Variants in SUGCT observed in about 807,000 individuals in gnomAD.
SUGCT encodes the protein succinyl-CoA:glutarate-CoA transferase.
SUGCT carries 41 observed loss-of-function variants against 55.0 expected under a neutral mutation model. The observed-to-expected ratio is 0.74, with a 90% CI of 0.58 to 0.97. The LOEUF is 0.97. Among genes scored for constraint, SUGCT ranks in the 50% least tolerant of loss-of-function variants. SUGCT has a pLI of 0.00. For synonymous variants in SUGCT, 187 were observed against 200.4 expected (o/e 0.93, Z 0.56); for missense variants, 568 against 547.8 (o/e 1.04, Z -0.37).
At chr7:40,743,706 C>G (rs540475366) in intron 12 of SUGCT, among the ~76,000 whole-genome samples, 8 of 152,184 alleles carry the variant, frequency 5.3e-5, no homozygotes, top group Middle Eastern at 3.4e-3. Context: ...TGAATGTACC[C>G]CAAAGCCACA....
At chr7:40,317,203 C>G (rs554791068) in intron 9 of SUGCT, among the ~76,000 whole-genome samples, 44 of 151,784 alleles carry the variant, frequency 2.9e-4, no homozygotes, top group African/African-American at 1.0e-3. Context: ...TTAACCATGT[C>G]AGTTACAAAA....
rs778804466 is a variant in SUGCT at position 40,188,481 on chromosome 7, G to A, written c.227-14G>A. On this transcript the variant is annotated splice_polypyrimidine_tract_variant and intron_variant, in intron 3 of 13. Transcript: ENST00000335693. ...CAAACCCCAAAGATTAATAGCTCAT[G>A]TTATTATTTTCAGGAGCTGGTGATG... is the stretch of plus-strand genomic sequence containing the variant. 4.9e-6 allele frequency: 7 copies of A among 1,443,000 alleles called. No homozygotes were observed. Among genetic ancestry groups the A allele is most frequent in the Admixed American group, 1.9e-5 (1 of 51,606 alleles). The allele number at this position is 1,443,000 out of a possible 1,614,324, so 89.4% of individuals were successfully genotyped here. A position where few individuals can be genotyped will look rare whatever the true frequency, so the allele number is the denominator to read the frequency against.
At chr7:40,420,531 G>A (rs904410579) in intron 9 of SUGCT, among the ~76,000 whole-genome samples, 2 of 151,924 alleles carry the variant, frequency 1.3e-5, no homozygotes, top group African/African-American at 2.4e-5. Flanking sequence ...TAGAGACAAC[G>A]TTTCACCATG....
intron 8 of SUGCT, among the ~76,000 whole-genome samples, chr7:40,300,085 G>A (rs1479010876): frequency 6.6e-6 from 1 of 152,148 alleles, no homozygotes; most frequent in African/African-American, 2.4e-5. Flanking sequence ...TTGTTGTATA[G>A]CAAAACCCTA....
At chr7:40,637,875 T>C (rs563757187) in intron 12 of SUGCT, among the ~76,000 whole-genome samples, 1 of 152,350 alleles carries the variant, frequency 6.6e-6, no homozygotes, top group South Asian at 2.1e-4. Flanking sequence ...AATCAGCCAA[T>C]GTGGAAGGAA....
At chr7:40,532,942 T>C (rs966642366) in intron 12 of SUGCT, among the ~76,000 whole-genome samples, 3 of 152,198 alleles carry the variant, frequency 2.0e-5, no homozygotes, top group African/African-American at 4.8e-5. Flanking sequence ...TTAATTTTTA[T>C]TGAGTTGCTT....
chr7:40,528,402 GT>G (rs948038616), intron 12 of SUGCT, among the ~76,000 whole-genome samples: 17 of 152,096 alleles, frequency 1.1e-4, no homozygotes, highest in Admixed American at 5.9e-4. Flanking sequence ...CATTGAATAT[GT>G]GATATTTTGG....
At chr7:40,506,855 T>C (rs1225325656) in intron 12 of SUGCT, among the ~76,000 whole-genome samples, 3 of 152,200 alleles carry the variant, frequency 2.0e-5, no homozygotes, top group Non-Finnish European at 1.5e-5. Flanking sequence ...TATTGTACTT[T>C]TGGACTCCAG....
chr7:40,595,168 G>A (rs1165072255), intron 12 of SUGCT, among the ~76,000 whole-genome samples: 2 of 152,162 alleles, frequency 1.3e-5, no homozygotes, highest in Non-Finnish European at 1.5e-5. Flanking sequence ...ACAACTCTGT[G>A]AAAAACTATT....
At chr7:40,951,836 G>C in the SUGCT span, among the ~76,000 whole-genome samples, 1 of 152,220 alleles carries the variant, frequency 6.6e-6, no homozygotes, top group East Asian at 1.9e-4. Context: ...TATAATTTCT[G>C]TTCTTTTACA....
chr7:40,658,070 A>G (rs1801117028), intron 12 of SUGCT, among the ~76,000 whole-genome samples: 1 of 152,192 alleles, frequency 6.6e-6, no homozygotes, highest in South Asian at 2.1e-4. Flanking sequence ...GTGAAAGGGA[A>G]TTAAAACAAC....
intron 13 of SUGCT, among the ~76,000 whole-genome samples, chr7:40,750,700 T>TA (rs1787965883): frequency 6.6e-6 from 1 of 152,234 alleles, no homozygotes; most frequent in Admixed American, 6.5e-5. Flanking sequence ...GAGAAAATTC[T>TA]AATGTTCAAG....
intron 9 of SUGCT, among the ~76,000 whole-genome samples, chr7:40,344,832 G>C (rs1207969295): frequency 6.6e-6 from 1 of 152,026 alleles, no homozygotes; most frequent in African/African-American, 2.4e-5. Flanking sequence ...GCATTTGATT[G>C]ATTGTATAGT....
chr7:40,313,718 C>T lies in SUGCT; in HGVS notation c.721-3042C>T, dbSNP rs563399452. ...GATCACCGCTAACTGCAGCCTTGAC[C>T]TCCCCAGGCTCAGGTGATCCCCCCA... On this transcript the variant is annotated intron_variant, in intron 8 of 13. Transcript: ENST00000335693. Among the ~76,000 whole-genome samples, 48 of 151,432 alleles carry T rather than the reference C, an allele frequency of 3.2e-4. 1 individual carries two copies. The highest frequency in any genetic ancestry group is 1.1e-3 in the African/African-American group (47 of 41,300).
intron 8 of SUGCT, among the ~76,000 whole-genome samples, chr7:40,278,631 C>G (rs1792705024): frequency 6.6e-6 from 1 of 152,106 alleles, no homozygotes; most frequent in Non-Finnish European, 1.5e-5. Flanking sequence ...TATTCCTTGT[C>G]TCTGTCCTCC....
intron 13 of SUGCT, among the ~76,000 whole-genome samples, chr7:40,829,459 A>G (rs1406247884): frequency 6.6e-6 from 1 of 152,248 alleles, no homozygotes; most frequent in Admixed American, 6.5e-5. Flanking sequence ...TTTGCCTGCC[A>G]TCAATTGCAA....
At chr7:40,508,195 G>A (rs1792714820) in intron 12 of SUGCT, among the ~76,000 whole-genome samples, 1 of 152,150 alleles carries the variant, frequency 6.6e-6, no homozygotes, top group South Asian at 2.1e-4. Context: ...AGTGGTGGTG[G>A]TGAGTGCCCT....
At chr7:40,885,228 A>G in the SUGCT span, among the ~76,000 whole-genome samples, 1 of 152,102 alleles carries the variant, frequency 6.6e-6, no homozygotes, top group Admixed American at 6.5e-5. Flanking sequence ...TTTTCACCGT[A>G]TGATTCAACG....
chr7:40,739,401 C>T (rs961514469), intron 12 of SUGCT, among the ~76,000 whole-genome samples: 2 of 152,108 alleles, frequency 1.3e-5, no homozygotes, highest in African/African-American at 4.8e-5. Flanking sequence ...TTAAGATTGA[C>T]GCAGGTTGTT....
Sources: allele counts gnomAD v4.1 joint callset (sites outside exome capture counted in the v4.1 genomes callset), GRCh38; gene constraint gnomAD v4.1.1; transcripts MANE v1.5; gene names NCBI Gene and HGNC (gene_info 2026-07-23, HGNC 2026-07-21).